The following LRRTM3 variants were observed in gnomAD, a reference collection of about 807,000 sequenced individuals.
LRRTM3 encodes leucine-rich repeat transmembrane neuronal protein 3.
Under a neutral mutation model 44.7 loss-of-function variants are expected in LRRTM3, and 24 were observed. The observed-to-expected ratio is 0.54, with a 90% CI of 0.39 to 0.76. The LOEUF (loss-of-function observed/expected upper bound fraction) is 0.76. LRRTM3 is among the 30% of genes least tolerant of loss of function. The pLI, the probability that LRRTM3 is intolerant of heterozygous loss-of-function variation, is 0.00. For synonymous variants in LRRTM3, 277 were observed against 278.7 expected, an observed-to-expected ratio of 0.99 and a Z score of 0.06; for missense variants, 587 against 702.2, an observed-to-expected ratio of 0.84 and a Z score of 1.85.
chr10:67,024,532 A>G (rs1000669333), intron 2 of LRRTM3, among the ~76,000 whole-genome samples: 1 of 152,210 alleles, frequency 6.6e-6, no homozygotes, highest in African/African-American at 2.4e-5. Context: ...GGCCTACCAT[A>G]AGACCACGTT....
rs1261132748 is a variant in LRRTM3 at position 67,098,777 on chromosome 10, G to C, written c.*981G>C. 6.6e-6 allele frequency: 1 copy of C among 151,986 alleles called. No homozygotes were observed. The highest frequency in any genetic ancestry group is 1.5e-5 in the Non-Finnish European group (1 of 67,884). The allele number at this position is 151,986 out of a possible 1,614,324, so 9.4% of individuals were successfully genotyped here. A position where few individuals can be genotyped will look rare whatever the true frequency, so the allele number is the denominator to read the frequency against. On this transcript the variant is annotated 3_prime_UTR_variant, in exon 3 of 3. Transcript: ENST00000361320. ...ATTTTCAGGCCAAGGTGGGAGTATA[G>C]TGCATAATAATTGTACAGTAGCAAT...
chr10:67,054,811 T>C (rs993511090), intron 2 of LRRTM3: 4 of 152,150 alleles, frequency 2.6e-5, no homozygotes, highest in African/African-American at 9.7e-5. Flanking sequence ...ACCCAAACTG[T>C]TCACCAATAC....
intron 2 of LRRTM3, among the ~76,000 whole-genome samples, chr10:67,044,722 A>T (rs1433858794): frequency 6.6e-6 from 1 of 152,230 alleles, no homozygotes; most frequent in African/African-American, 2.4e-5. Flanking sequence ...TAGGGATGTT[A>T]TAAGGATAAA....
intron 2 of LRRTM3, among the ~76,000 whole-genome samples, chr10:67,079,385 T>C (rs1856916522): frequency 6.6e-6 from 1 of 152,206 alleles, no homozygotes; most frequent in Non-Finnish European, 1.5e-5. Flanking sequence ...TTCCTAGATA[T>C]AATATCTAAC....
intron 2 of LRRTM3, among the ~76,000 whole-genome samples, chr10:66,981,946 C>T (rs1008444453): frequency 3.9e-5 from 6 of 152,148 alleles, no homozygotes; most frequent in Admixed American, 6.5e-5. Flanking sequence ...CAAAGGCTGC[C>T]TATTTGGCTC....
At chr10:66,997,498 C>A (rs1232104785) in intron 2 of LRRTM3, among the ~76,000 whole-genome samples, 1 of 152,124 alleles carries the variant, frequency 6.6e-6, no homozygotes, top group Non-Finnish European at 1.5e-5. Flanking sequence ...AAACCAAATT[C>A]TTGTCTGTTC....
At chr10:66,975,705 T>A (rs2132850079) in intron 2 of LRRTM3, among the ~76,000 whole-genome samples, 1 of 152,310 alleles carries the variant, frequency 6.6e-6, no homozygotes, top group Admixed American at 6.5e-5. Flanking sequence ...TCCATCAAGC[T>A]AAGTTCGTCC....
chr10:67,048,794 T>C (rs181304502), intron 2 of LRRTM3, among the ~76,000 whole-genome samples: 151 of 152,194 alleles, frequency 9.9e-4, no homozygotes, highest in Non-Finnish European at 1.1e-3. Context: ...AATTTCCAAG[T>C]ATTATATCTC....
intron 2 of LRRTM3, among the ~76,000 whole-genome samples, chr10:67,046,712 T>C (rs1854771632): frequency 6.6e-6 from 1 of 152,202 alleles, no homozygotes; most frequent in South Asian, 2.1e-4. Context: ...ATGTATTGAC[T>C]CAGCATTTTG....
intron 2 of LRRTM3, among the ~76,000 whole-genome samples, chr10:66,980,887 G>A (rs1298470635): frequency 6.6e-6 from 1 of 151,984 alleles, no homozygotes; most frequent in Non-Finnish European, 1.5e-5. Flanking sequence ...AGCATCCACA[G>A]TTTTTCTTTT....
intron 2 of LRRTM3, among the ~76,000 whole-genome samples, chr10:67,039,961 C>T (rs192710752): frequency 2.6e-5 from 4 of 152,230 alleles, no homozygotes; most frequent in African/African-American, 9.6e-5. Flanking sequence ...TATTAGCTGT[C>T]TGGGGGTTAC....
chr10:67,042,924 C>T (rs139174381), intron 2 of LRRTM3, among the ~76,000 whole-genome samples: 173 of 152,060 alleles, frequency 1.1e-3, no homozygotes, highest in Middle Eastern at 6.8e-3. Context: ...TGAATATATT[C>T]GAACGCTATA....
intron 2 of LRRTM3, among the ~76,000 whole-genome samples, chr10:67,072,756 C>CT (rs1395628593): frequency 6.6e-6 from 1 of 152,160 alleles, no homozygotes; most frequent in African/African-American, 2.4e-5. Flanking sequence ...TCTTAGGGCC[C>CT]TAACAGCTAC....
At chr10:67,011,322 G>C (rs1852320580) in intron 2 of LRRTM3, among the ~76,000 whole-genome samples, 1 of 142,682 alleles carries the variant, frequency 7.0e-6, no homozygotes, top group East Asian at 2.1e-4. Context: ...GCCTGGGGCA[G>C]AGCAAAAGTC....
chr10:67,033,221 T>A (rs1001830131), intron 2 of LRRTM3, among the ~76,000 whole-genome samples: 1 of 152,204 alleles, frequency 6.6e-6, no homozygotes, highest in Non-Finnish European at 1.5e-5. Context: ...AATCAAGTTC[T>A]ATTTGTATAA....
intron 2 of LRRTM3, among the ~76,000 whole-genome samples, chr10:67,080,737 A>G (rs1446200591): frequency 6.6e-6 from 1 of 151,884 alleles, no homozygotes; most frequent in African/African-American, 2.4e-5. Flanking sequence ...GTGAAACCCC[A>G]TCTCTACTAA....
intron 2 of LRRTM3, among the ~76,000 whole-genome samples, chr10:66,953,535 A>T (rs557363048): frequency 4.9e-4 from 74 of 152,276 alleles, no homozygotes; most frequent in African/African-American, 1.6e-3. Context: ...CTTTGCTTGA[A>T]ACAGTCTTAC....
At chr10:67,042,630 G>T (rs1854474247) in intron 2 of LRRTM3, among the ~76,000 whole-genome samples, 1 of 151,914 alleles carries the variant, frequency 6.6e-6, no homozygotes, top group Non-Finnish European at 1.5e-5. Flanking sequence ...AGTCATGGAA[G>T]AGAAGGAACG....
At chr10:66,990,297 G>A (rs4746652) in intron 2 of LRRTM3, among the ~76,000 whole-genome samples, 22,386 of 152,082 alleles carry the variant, frequency 0.15, 1,899 homozygotes, top group Middle Eastern at 0.23. Context: ...GCCAGGTGAA[G>A]GGACTCTGAA....
Sources: gnomAD v4.1 joint callset for allele counts (sites outside exome capture counted in the v4.1 genomes callset) on GRCh38, gnomAD v4.1.1 for gene constraint, MANE v1.5 for transcripts, NCBI Gene and HGNC (gene_info 2026-07-23, HGNC 2026-07-21) for gene names.